EDAR: variants seen among roughly 807,000 people sequenced by gnomAD.
EDAR encodes ectodysplasin A receptor.
EDAR carries 38 observed loss-of-function variants against 51.3 expected under a neutral mutation model. The observed-to-expected ratio is 0.74, with a 90% CI of 0.57 to 0.97. The LOEUF is 0.97. Among genes scored for constraint, EDAR ranks in the 50% least tolerant of loss-of-function variants. EDAR has a pLI of 0.00. For missense variants in EDAR, 528 were observed against 595.0 expected, an observed-to-expected ratio of 0.89 and a Z score of 1.17; for synonymous variants, 227 against 242.1, an observed-to-expected ratio of 0.94 and a Z score of 0.58.
At chr2:108,906,277 C>A (rs777505016) in intron 11 of EDAR, 31 bp downstream of exon 11, 1 of 1,607,062 alleles carries the variant, frequency 6.2e-7, no homozygotes, top group Admixed American at 1.7e-5. Context: ...GGGGTGGGCA[C>A]CACCTCTCCC....
chr2:108,923,553 A>C, intron 4 of EDAR, 100 bp from the exon 5 acceptor site: 1 of 1,097,126 alleles, frequency 9.1e-7, no homozygotes, highest in Non-Finnish European at 1.4e-6. Flanking sequence ...CAGGCCCACA[A>C]TCAAGTCGGG....
chr2:108,977,270 C>T (rs1217672611), intron 1 of EDAR, among the ~76,000 whole-genome samples: 1 of 152,052 alleles, frequency 6.6e-6, no homozygotes, highest in Non-Finnish European at 1.5e-5. Context: ...CTGAGAAGCT[C>T]GCCTTTTCTT....
At chr2:108,985,836 T>C (rs1172494434) in intron 1 of EDAR, among the ~76,000 whole-genome samples, 1 of 152,214 alleles carries the variant, frequency 6.6e-6, no homozygotes, top group African/African-American at 2.4e-5. Context: ...TTGGTGACCT[T>C]TCTCTGACAA....
chr2:108,908,601 G>T (rs994769650), intron 9 of EDAR, among the ~76,000 whole-genome samples: 3 of 152,064 alleles, frequency 2.0e-5, no homozygotes, highest in Admixed American at 2.0e-4. Flanking sequence ...CTGGGTGGGC[G>T]GTCGGACCCA....
intron 1 of EDAR, among the ~76,000 whole-genome samples, chr2:108,949,013 G>T (rs1019520186): frequency 1.3e-5 from 2 of 152,160 alleles, no homozygotes; most frequent in East Asian, 3.9e-4. Context: ...GTCTCACTCT[G>T]TCACCCAGGC....
intron 1 of EDAR, among the ~76,000 whole-genome samples, chr2:108,935,218 T>C (rs116236924): frequency 1.2e-4 from 18 of 152,100 alleles, no homozygotes; most frequent in Non-Finnish European, 2.2e-4. Context: ...TCAATTCCCA[T>C]CTAGAATGAT....
chr2:108,924,634 C>T (rs1697218530), intron 4 of EDAR, among the ~76,000 whole-genome samples: 1 of 152,180 alleles, frequency 6.6e-6, no homozygotes, highest in Non-Finnish European at 1.5e-5. Flanking sequence ...TGGGCTCCTG[C>T]CTTCCTGAGC....
chr2:108,907,994 C>G lies in EDAR; in HGVS notation c.829G>C (p.Glu277Gln). 6.2e-7 allele frequency: 1 copy of G among 1,610,598 alleles called. No homozygotes were observed. The highest frequency in any genetic ancestry group is 8.5e-7 in the Non-Finnish European group (1 of 1,177,324). The stretch of plus-strand genomic sequence containing the variant: ...TCGACGCTCCGGCTCAGCAGCTGCT[C>G]ATTCTCGGATGAGGCATCGTTCTCG... ...KSENDASSEN[E>Q]QLLSRSVDSD... The change falls in exon 10 of 12, where the codon GAG (glutamate) becomes CAG (glutamine). Residue 277 changes from glutamate (E) to glutamine (Q), a missense_variant. Transcript: ENST00000258443.
chr2:108,908,342 C>T (rs371115880), intron 9 of EDAR, among the ~76,000 whole-genome samples: 3 of 152,286 alleles, frequency 2.0e-5, no homozygotes, highest in African/African-American at 4.8e-5. Flanking sequence ...ATGGATGCTC[C>T]GTGAAGGTTC....
chr2:108,987,880 A>C (rs1698522445), intron 1 of EDAR, among the ~76,000 whole-genome samples: 1 of 152,246 alleles, frequency 6.6e-6, no homozygotes, highest in Non-Finnish European at 1.5e-5. Context: ...TATGACTTAC[A>C]AATCTCAGAG....
chr2:108,951,828 C>G (rs890590055), intron 1 of EDAR, among the ~76,000 whole-genome samples: 3 of 152,186 alleles, frequency 2.0e-5, no homozygotes, highest in African/African-American at 7.2e-5. Flanking sequence ...ACTATCTTCT[C>G]AAATCACAGT....
rs1438324371 is a variant in EDAR at position 108,949,383 on chromosome 2, C to T, written c.-18-18351G>A. Among the ~76,000 whole-genome samples, 2 of 152,148 alleles carry T rather than the reference C, an allele frequency of 1.3e-5. 1 individual carries two copies. The highest frequency in any genetic ancestry group is 4.8e-5 in the African/African-American group (2 of 41,432). ...ACATGCACAATATCTGATAATTTTG[C>T]TTTTCAGTCAGTGGGAAGATACGGC... On this transcript the variant is annotated intron_variant, in intron 1 of 11. Transcript: ENST00000258443.
chr2:108,937,082 G>A (rs191487998), intron 1 of EDAR, among the ~76,000 whole-genome samples: 11 of 152,346 alleles, frequency 7.2e-5, no homozygotes, highest in South Asian at 2.1e-4. Flanking sequence ...CACAGGCACC[G>A]TCCTTCCCAA....
chr2:108,902,893 T>C (rs1415745524), intron 11 of EDAR, among the ~76,000 whole-genome samples: 1 of 152,168 alleles, frequency 6.6e-6, no homozygotes, highest in African/African-American at 2.4e-5. Context: ...TGCTGGAAGG[T>C]ATAGCCAGTG....
At chr2:108,958,726 G>T (rs1697975036) in intron 1 of EDAR, among the ~76,000 whole-genome samples, 1 of 152,176 alleles carries the variant, frequency 6.6e-6, no homozygotes, top group Admixed American at 6.5e-5. Flanking sequence ...TAGATATCTG[G>T]CCCAGGAGAC....
intron 1 of EDAR, among the ~76,000 whole-genome samples, chr2:108,934,782 C>T (rs1218361771): frequency 3.3e-5 from 5 of 152,208 alleles, no homozygotes; most frequent in African/African-American, 1.2e-4. Context: ...AGCCTCACGA[C>T]CTCATCACCT....
At chr2:108,970,143 A>G (rs1329201276) in intron 1 of EDAR, among the ~76,000 whole-genome samples, 1 of 152,170 alleles carries the variant, frequency 6.6e-6, no homozygotes. Flanking sequence ...TGAGCTTTGC[A>G]CTGAGAGGGG....
At chr2:108,897,595 A>AG (rs1382453939) in intron 11 of EDAR, among the ~76,000 whole-genome samples, 1 of 152,050 alleles carries the variant, frequency 6.6e-6, no homozygotes, top group Non-Finnish European at 1.5e-5. Flanking sequence ...TGGGCTGAGG[A>AG]GGGGTTCAAA....
chr2:108,965,388 G>A (rs1388194245), intron 1 of EDAR, among the ~76,000 whole-genome samples: 5 of 151,306 alleles, frequency 3.3e-5, no homozygotes, highest in Admixed American at 2.0e-4. Flanking sequence ...GGCTGAGGCA[G>A]GAGAATGGCA....
Sources: allele counts gnomAD v4.1 joint callset (sites outside exome capture counted in the v4.1 genomes callset), GRCh38; gene constraint gnomAD v4.1.1; transcripts MANE v1.5; gene names NCBI Gene and HGNC (gene_info 2026-07-23, HGNC 2026-07-21).